CTNNA3: variants seen among roughly 807,000 people sequenced by gnomAD.
The protein encoded by CTNNA3 is catenin alpha-3.
Under a neutral mutation model 95.7 loss-of-function variants are expected in CTNNA3, and 76 were observed. The ratio of observed to expected loss-of-function variants is 0.79; its 90% CI spans 0.66 to 0.96. The LOEUF (loss-of-function observed/expected upper bound fraction) is 0.96. CTNNA3 is among the 40% of genes least tolerant of loss of function. The pLI, the probability that CTNNA3 is intolerant of heterozygous loss-of-function variation, is 0.00. For synonymous variants in CTNNA3, 431 were observed against 374.4 expected (o/e 1.15, Z -1.74); for missense variants, 1,191 against 1,089.8 (o/e 1.09, Z -1.31).
chr10:66,536,085 G>C (rs2132062999), intron 10 of CTNNA3, among the ~76,000 whole-genome samples: 1 of 151,936 alleles, frequency 6.6e-6, no homozygotes, highest in South Asian at 2.1e-4. Flanking sequence ...GAGAGCTATA[G>C]ATTGTTGTTG....
At chr10:67,715,096 A>G (rs971198456) in intron 1 of CTNNA3, among the ~76,000 whole-genome samples, 3 of 152,242 alleles carry the variant, frequency 2.0e-5, no homozygotes, top group Non-Finnish European at 2.9e-5. Flanking sequence ...GAAATAGCCA[A>G]GAAACACTTT....
intron 5 of CTNNA3, among the ~76,000 whole-genome samples, chr10:67,496,199 T>C (rs541128072): frequency 1.5e-4 from 23 of 152,162 alleles, no homozygotes; most frequent in Non-Finnish European, 3.4e-4. Context: ...CAAAATGATA[T>C]CCATGCATAA....
intron 2 of CTNNA3, among the ~76,000 whole-genome samples, chr10:67,635,968 G>T (rs1316967884): frequency 6.6e-6 from 1 of 152,168 alleles, no homozygotes; most frequent in Non-Finnish European, 1.5e-5. Context: ...CTTCAGCAAA[G>T]TCTCAGGATA....
chr10:66,610,365 T>C (rs1174522922), intron 10 of CTNNA3, among the ~76,000 whole-genome samples: 4 of 152,060 alleles, frequency 2.6e-5, no homozygotes, highest in African/African-American at 9.7e-5. Flanking sequence ...ATAGTAACTA[T>C]TTTAGGTTAG....
At chr10:67,392,040 A>C (rs371347014) in intron 5 of CTNNA3, among the ~76,000 whole-genome samples, 16 of 152,044 alleles carry the variant, frequency 1.1e-4, no homozygotes, top group South Asian at 4.2e-4. Flanking sequence ...GCAACAAAAG[A>C]CAAAATTGAC....
At chr10:66,736,392 C>T (rs1278087776) in intron 9 of CTNNA3, among the ~76,000 whole-genome samples, 1 of 151,646 alleles carries the variant, frequency 6.6e-6, no homozygotes, top group East Asian at 1.9e-4. Flanking sequence ...TGGGTTTCAC[C>T]ATGTTGCCCA....
At chr10:66,900,248 A>G (rs573600769) in intron 7 of CTNNA3, among the ~76,000 whole-genome samples, 1 of 152,290 alleles carries the variant, frequency 6.6e-6, no homozygotes, top group East Asian at 1.9e-4. Context: ...GTGGACCTCC[A>G]GCAAACTCCA....
chr10:67,607,142 T>A, intron 2 of CTNNA3, 93 bp from the exon 3 acceptor site: 1 of 1,028,280 alleles, frequency 9.7e-7, no homozygotes. Context: ...GACAGTACAG[T>A]TGACACTTGA....
At chr10:67,422,823 T>C (rs1845793596) in intron 5 of CTNNA3, among the ~76,000 whole-genome samples, 1 of 152,146 alleles carries the variant, frequency 6.6e-6, no homozygotes, top group South Asian at 2.1e-4. Context: ...CCTCTTTTCT[T>C]CATAAGTTAC....
At position 66,818,719 on chromosome 10, in the gene CTNNA3, T is replaced by A. The variant is rs530265300; in HGVS notation, c.1048-43195A>T. Among the ~76,000 whole-genome samples, 4 of 113,284 alleles carry A rather than the reference T, an allele frequency of 3.5e-5. No individual in the cohort carries two copies. The South Asian group carries it at 1.1e-3, about 31-fold the overall frequency. 74.3% of individuals were successfully genotyped at this position (113,284 alleles called of 152,430 possible). A position where few individuals can be genotyped will look rare whatever the true frequency, so the allele number is the denominator to read the frequency against. On this transcript the variant is annotated intron_variant, in intron 7 of 17. Coordinates refer to ENST00000433211, the MANE Select transcript of CTNNA3 (RefSeq NM_013266.4). ...ATGCAGTCCCTTTCAAAATTCCAGCTGTGTTTTGTGGGTTTTTTTCAGAAA... is the reference window on the plus strand; with the variant it reads ...ATGCAGTCCCTTTCAAAATTCCAGCAGTGTTTTGTGGGTTTTTTTCAGAAA...
intron 11 of CTNNA3, among the ~76,000 whole-genome samples, chr10:66,414,358 T>A (rs1589216945): frequency 1.3e-5 from 2 of 151,996 alleles, no homozygotes; most frequent in Non-Finnish European, 2.9e-5. Flanking sequence ...AAGTAAGGAA[T>A]GGGAGAAGGA....
intron 6 of CTNNA3, 90 bp downstream of exon 6, chr10:67,219,517 T>C: frequency 2.1e-6 from 3 of 1,412,392 alleles, no homozygotes; most frequent in Non-Finnish European, 2.9e-6. Flanking sequence ...TCTCATGCTC[T>C]AAACGCCAAC....
intron 15 of CTNNA3, among the ~76,000 whole-genome samples, chr10:65,989,477 T>C (rs1194523284): frequency 6.6e-6 from 1 of 152,168 alleles, no homozygotes; most frequent in Non-Finnish European, 1.5e-5. Flanking sequence ...AGAATCATAA[T>C]ATTTTGGATA....
In CTNNA3 at chr10:66,927,794, T is replaced by C. The variant is rs1363394648; in HGVS notation, c.1048-152270A>G. 1 of 1,614,208 alleles carries C rather than the reference T, an allele frequency of 6.2e-7. No individual in the cohort carries two copies. The highest frequency in any genetic ancestry group is 8.5e-7 in the Non-Finnish European group (1 of 1,180,042). On this transcript the variant is annotated intron_variant, in intron 7 of 17. Coordinates refer to ENST00000433211, the MANE Select transcript of CTNNA3 (RefSeq NM_013266.4). This position sits in a 1 kb window ranked among gnomAD's most constrained non-coding sequence, Gnocchi z 4.7. ...CTGGATTCCAACAAGCTCACATTTA[T>C]TGGTCAAGAGATTTTGGATTCTTGG...
chr10:66,511,463 A>T (rs1388266188), intron 11 of CTNNA3, among the ~76,000 whole-genome samples: 1 of 90,808 alleles, frequency 1.1e-5, no homozygotes, highest in East Asian at 2.0e-4. Context: ...TCACTAGGTT[A>T]TTTGAAATCT....
chr10:66,257,895 C>T (rs2090852218), intron 13 of CTNNA3, among the ~76,000 whole-genome samples: 1 of 152,184 alleles, frequency 6.6e-6, no homozygotes, highest in South Asian at 2.1e-4. Flanking sequence ...CAGACTCTCT[C>T]CACCACAGCT....
chr10:66,362,353 G>T (rs1266304673), intron 12 of CTNNA3, among the ~76,000 whole-genome samples: 1 of 150,214 alleles, frequency 6.7e-6, no homozygotes, highest in African/African-American at 2.4e-5. Context: ...CTCCCACCTC[G>T]GCCTCCCAAA....
chr10:67,572,440 G>A (rs545000890), intron 3 of CTNNA3, among the ~76,000 whole-genome samples: 4 of 152,050 alleles, frequency 2.6e-5, no homozygotes, highest in African/African-American at 7.2e-5. Flanking sequence ...TTATCCCCTC[G>A]AAGCATAACT....
chr10:66,178,438 T>TAC (rs1421718824), intron 13 of CTNNA3, among the ~76,000 whole-genome samples: 7 of 95,180 alleles, frequency 7.4e-5, no homozygotes, highest in African/African-American at 2.6e-4. Flanking sequence ...TATATATATA[T>TAC]ATATACACAC....
Sources: gnomAD v4.1 joint callset for allele counts (sites outside exome capture counted in the v4.1 genomes callset) on GRCh38, gnomAD v4.1.1 for gene constraint, Gnocchi (gnomAD v3.1) non-coding constraint, MANE v1.5 for transcripts, NCBI Gene and HGNC (gene_info 2026-07-23, HGNC 2026-07-21) for gene names.